Variants in ISCA1 observed in about 807,000 individuals in gnomAD.
The protein encoded by ISCA1 is iron-sulfur cluster assembly 1.
In ISCA1, 9 loss-of-function variants were observed where a neutral mutation model predicts 14.7. That is an observed-to-expected ratio of 0.61 (90% confidence interval 0.37 to 1.07). The LOEUF is 1.07. ISCA1 is among the 50% of genes least tolerant of loss of function. The pLI is 0.01. For synonymous variants in ISCA1, 38 were observed against 54.3 expected, an observed-to-expected ratio of 0.70 and a Z score of 1.32; for missense variants, 102 against 150.1, an observed-to-expected ratio of 0.68 and a Z score of 1.67.
rs1825304043 is a variant in ISCA1 at position 86,267,403 on chromosome 9, GTTA to G, written c.242-1215_242-1213del. On this transcript the variant is annotated intron_variant, in intron 3 of 3. Transcript: ENST00000375991. ...CATTTTTAAAAGGTCTTTATTGATA[GTTA>G]TAACTTTAGTTTAATAAGAAAGCAC... 10 of 912,934 alleles carry G rather than the reference GTTA, an allele frequency of 1.1e-5. No homozygotes were observed. In the South Asian group the frequency reaches 3.0e-4, roughly 28 times the overall value. 56.6% of individuals were successfully genotyped at this position (912,934 alleles called of 1,614,324 possible).
Position 86,282,473 on chromosome 9 carries a change from C to T in ISCA1, c.-15G>A. 1 of 1,550,934 alleles carries T rather than the reference C, an allele frequency of 6.4e-7. No homozygotes were observed. Among genetic ancestry groups the T allele is most frequent in the Non-Finnish European group, 8.7e-7 (1 of 1,147,198 alleles). ...GAAGCCGACATCTTCGCCGTCCCGG[C>T]GCCCCGGTGCCTCGGGCCGAAGGTC... On this transcript the variant is annotated 5_prime_UTR_variant, in exon 1 of 4. Transcript: ENST00000375991.
chr9:86,281,235 T>C (rs536056531), intron 1 of ISCA1, among the ~76,000 whole-genome samples: 198 of 152,162 alleles, frequency 1.3e-3, no homozygotes, highest in Non-Finnish European at 2.2e-3. Context: ...ATCAGTACAC[T>C]AGTAGTACCA....
rs2131230450 is a variant in ISCA1, at chr9:86,282,410, T to G, written c.49A>C (p.Lys17Gln). Residue 17 changes from lysine (K) to glutamine (Q), a missense_variant, in exon 1 of 4, where the codon AAG becomes CAG. Coordinates refer to ENST00000375991, the MANE Select transcript of ISCA1 (RefSeq NM_030940.4). ...RATVRAVSKRKLQPTRAALTL... is the reference protein window; with the variant it reads ...RATVRAVSKRQLQPTRAALTL... ...AGGGCTGCCCGGGTGGGCTGCAGCT[T>G]CCTCTTGCTCACAGCCCGGACAGTT... 6.4e-7 allele frequency: 1 copy of G among 1,554,724 alleles called. No homozygotes were observed. The highest frequency in any genetic ancestry group is 8.7e-7 in the Non-Finnish European group (1 of 1,149,184).
In ISCA1 at chr9:86,265,010, C is replaced by G. The variant is rs1176851469; in HGVS notation, c.*1033G>C. ...AGGACCACATTCCAAAAGCATAATT[C>G]TGGGTTGCTACAATGTCATCTCTGC... On this transcript the variant is annotated 3_prime_UTR_variant, in exon 4 of 4. Coordinates refer to ENST00000375991, the MANE Select transcript of ISCA1 (RefSeq NM_030940.4). The G allele has an allele frequency of 6.6e-6, 1 of 152,158 alleles. No individual in the cohort carries two copies. Among genetic ancestry groups the G allele is most frequent in the Non-Finnish European group, 1.5e-5 (1 of 68,040 alleles). 9.4% of individuals were successfully genotyped at this position (152,158 alleles called of 1,614,324 possible).
At chr9:86,280,751 A>G (rs1454722066) in intron 1 of ISCA1, among the ~76,000 whole-genome samples, 1 of 151,560 alleles carries the variant, frequency 6.6e-6, no homozygotes, top group Non-Finnish European at 1.5e-5. Context: ...GGAGTTCGAG[A>G]CCAGCCTGGG....
At chr9:86,279,412 A>G (rs1392920629) in intron 1 of ISCA1, among the ~76,000 whole-genome samples, 6 of 152,230 alleles carry the variant, frequency 3.9e-5, no homozygotes, top group Admixed American at 6.5e-5. Context: ...TGCAAGTTCA[A>G]TTCCACTTGT....
At chr9:86,266,280 T>C in intron 3 of ISCA1, 89 bp from the exon 4 acceptor site, 1 of 1,497,058 alleles carries the variant, frequency 6.7e-7, no homozygotes, top group Non-Finnish European at 8.9e-7. Flanking sequence ...AAATAGTGAC[T>C]ATCAATGAAA....
At chr9:86,272,220 T>G (rs976526500) in intron 2 of ISCA1, 108 bp from the exon 3 acceptor site, 13 of 729,020 alleles carry the variant, frequency 1.8e-5, no homozygotes, top group Non-Finnish European at 2.7e-5. Flanking sequence ...CTTTCTCTTA[T>G]TTTTTGTAGG....
chr9:86,280,124 G>A (rs1261708612), intron 1 of ISCA1, among the ~76,000 whole-genome samples: 3 of 152,212 alleles, frequency 2.0e-5, no homozygotes, highest in Non-Finnish European at 2.9e-5. Flanking sequence ...CCAAGCCTGA[G>A]AATGTGCAGT....
At chr9:86,282,046 C>T (rs538414377) in intron 1 of ISCA1, 17 of 302,518 alleles carry the variant, frequency 5.6e-5, no homozygotes, top group Admixed American at 2.6e-4. Context: ...CCGGAACGGC[C>T]GAACAGCGCA....
chr9:86,278,324 TTGTGTATA>T (rs779953557), intron 1 of ISCA1, among the ~76,000 whole-genome samples: 51 of 152,322 alleles, frequency 3.3e-4, no homozygotes, highest in African/African-American at 1.1e-3. Context: ...CTTTTCTTAT[TTGTGTATA>T]TGTGTATATA....
intron 3 of ISCA1, 80 bp from the exon 4 acceptor site, chr9:86,266,271 A>C: frequency 1.3e-6 from 2 of 1,508,798 alleles, no homozygotes; most frequent in African/African-American, 1.4e-5. Flanking sequence ...GTGAACTTGA[A>C]ATAGTGACTA....
chr9:86,275,217 A>C (rs143535563), intron 1 of ISCA1, among the ~76,000 whole-genome samples: 19 of 152,356 alleles, frequency 1.2e-4, no homozygotes, highest in Non-Finnish European at 2.5e-4. Flanking sequence ...TATTATTATG[A>C]TTATGAGAGT....
intron 3 of ISCA1, among the ~76,000 whole-genome samples, chr9:86,268,314 G>A (rs973570363): frequency 6.6e-6 from 1 of 151,826 alleles, no homozygotes; most frequent in African/African-American, 2.4e-5. Flanking sequence ...GTGTGTTTTT[G>A]TCTTAGTTTT....
chr9:86,272,139 T>C, intron 2 of ISCA1, 27 bp from the exon 3 acceptor site: 2 of 1,416,690 alleles, frequency 1.4e-6, no homozygotes, highest in Non-Finnish European at 2.0e-6. Context: ...AATATAAACT[T>C]GGTTTTAAAG....
At position 86,270,261 on chromosome 9, in the gene ISCA1, C is replaced by A. The variant is rs555385296; in HGVS notation, c.241+1746G>T. 1.7e-4 allele frequency among the ~76,000 whole-genome samples: 25 copies of A among 148,078 alleles called. No individual in the cohort carries two copies. The East Asian group carries it at 4.6e-3, about 27-fold the overall frequency. ...AAATTTACAAGAAAAAAACAAACAA[C>A]CCCATCAAAAAGTGGGCAAAGGACA... On this transcript the variant is annotated intron_variant, in intron 3 of 3. Transcript: ENST00000375991.
At chr9:86,270,808 T>C (rs1455227199) in intron 3 of ISCA1, among the ~76,000 whole-genome samples, 4 of 149,878 alleles carry the variant, frequency 2.7e-5, no homozygotes, top group Non-Finnish European at 3.0e-5. Context: ...ATGGATGAAA[T>C]TGGAAATCAT....
chr9:86,266,509 T>C (rs1279712218), intron 3 of ISCA1, among the ~76,000 whole-genome samples: 1 of 152,170 alleles, frequency 6.6e-6, no homozygotes. Flanking sequence ...AGAAAATGTA[T>C]ATTCTCGATG....
intron 1 of ISCA1, among the ~76,000 whole-genome samples, chr9:86,279,468 A>T (rs977102936): frequency 1.3e-5 from 2 of 152,240 alleles, no homozygotes; most frequent in Non-Finnish European, 2.9e-5. Context: ...AGATAATCTG[A>T]TAATGACAGC....
Sources: gnomAD v4.1 joint callset for allele counts (sites outside exome capture counted in the v4.1 genomes callset) on GRCh38, gnomAD v4.1.1 for gene constraint, MANE v1.5 for transcripts, NCBI Gene and HGNC (gene_info 2026-07-23, HGNC 2026-07-21) for gene names.